Variants in ACTL6B observed in about 807,000 individuals in gnomAD.
ACTL6B encodes the protein actin like 6B, also known as actin-like protein 6B.
A neutral mutation model predicts 63.3 loss-of-function variants in ACTL6B; 48 were observed. The ratio of observed to expected loss-of-function variants is 0.76; its 90% CI spans 0.60 to 0.96. The LOEUF is 0.96. Among genes scored for constraint, ACTL6B ranks in the 50% least tolerant of loss-of-function variants. The pLI is 0.00. For missense variants in ACTL6B, 350 were observed against 572.2 expected, an observed-to-expected ratio of 0.61 and a Z score of 3.96; for synonymous variants, 230 against 223.8, an observed-to-expected ratio of 1.03 and a Z score of -0.25.
At position 100,648,573 on chromosome 7, in the gene ACTL6B, A is replaced by G. The variant is rs747962927; in HGVS notation, c.652T>C (p.Tyr218His). 4.3e-6 allele frequency: 7 copies of G among 1,610,186 alleles called. No homozygotes were observed. The Admixed American group carries it at 1.2e-4, about 27-fold the overall frequency. The change falls in exon 7 of 14, where the codon TAC becomes CAC. Residue 218 changes from tyrosine (Y) to histidine (H), a missense_variant. Tyr to His is a moderately conservative substitution (Grantham distance 83). Around this residue, in one of 3 missense-constraint regions of ACTL6B, gnomAD observed 250 missense variants for 364.7 expected, o/e 0.69. Coordinates refer to ENST00000160382, the MANE Select transcript of ACTL6B (RefSeq NM_016188.5). This position sits in a 1 kb window ranked among gnomAD's most constrained non-coding sequence, Gnocchi z 4.4. The stretch of plus-strand genomic sequence containing the variant: ...GGCCCCACCTTGGCTGCGATCATGT[A>G]AGGTGGGATGATGTCAATGGCCATC... ...QEMAIDIIPP[Y>H]MIAAKEPVRE...
rs546608076 is a variant in ACTL6B at position 100,643,258 on chromosome 7, T to C, written c.1269A>G (p.Arg423=). The C allele has an allele frequency of 1.2e-6, 2 of 1,614,044 alleles. No individual in the cohort carries two copies. The highest frequency in any genetic ancestry group is 1.7e-6 in the Non-Finnish European group (2 of 1,179,974). ...GGGAGGAGTGCCATCAGGGGCACTT[T>C]CGCTCCACGCACTGCTTCCCGCCCT... ...YEEGGKQCVE[R]KCP is the part of the protein sequence containing the mutation. Residue 423 remains arginine, a synonymous_variant, in exon 14 of 14, where the codon CGA becomes CGG. Transcript: ENST00000160382.
chr7:100,655,354 G>C lies in ACTL6B; in HGVS notation c.268+67C>G. 6.5e-7 allele frequency: 1 copy of C among 1,542,962 alleles called. No individual in the cohort carries two copies. The highest frequency in any genetic ancestry group is 8.8e-7 in the Non-Finnish European group (1 of 1,135,046). ...GAAGACTCCGCGGGGAGTGGGGGCT[G>C]CTATGACCCAGATTGTGGGGAGCGG... On this transcript the variant is annotated intron_variant, in intron 3 of 13. Coordinates refer to ENST00000160382, the MANE Select transcript of ACTL6B (RefSeq NM_016188.5). The surrounding 1 kb of genome is among the most constrained non-coding windows in gnomAD (Gnocchi z 4.4).
At position 100,649,993 on chromosome 7, in the gene ACTL6B, A is replaced by C. The variant is rs532650092; in HGVS notation, c.467+45T>G. On this transcript the variant is annotated intron_variant, in intron 5 of 13. Coordinates refer to ENST00000160382, the MANE Select transcript of ACTL6B (RefSeq NM_016188.5). ...CACAGCTGAGCTCAGCACAGGCCCC[A>C]CCCCAGCCCTCCACCCAGTCAGAGC... 70 of 1,578,558 alleles carry C rather than the reference A, an allele frequency of 4.4e-5. No homozygotes were observed. The African/African-American group carries it at 7.3e-4, about 16-fold the overall frequency.
rs1225921374 is a variant in ACTL6B, at chr7:100,647,070, C to A, written c.837G>T (p.Met279Ile). Reference protein sequence around the residue: ...SPYDEQVAAQMPTVHYEMPNG... With the variant: ...SPYDEQVAAQIPTVHYEMPNG... ...TGGGCATCTCGTAGTGCACTGTGGGCATTTGTGCAGCCACCCTACCCAGAA... is the reference window on the plus strand; with the variant it reads ...TGGGCATCTCGTAGTGCACTGTGGGAATTTGTGCAGCCACCCTACCCAGAA... Residue 279 changes from methionine (M) to isoleucine (I), a missense_variant, in exon 10 of 14, where the codon ATG becomes ATT. By Grantham distance (10) the Met-to-Ile change is conservative (BLOSUM62 1). Coordinates refer to ENST00000160382, the MANE Select transcript of ACTL6B (RefSeq NM_016188.5). This position sits in a 1 kb window ranked among gnomAD's most constrained non-coding sequence, Gnocchi z 4.4. 1 of 1,613,958 alleles carries A rather than the reference C, an allele frequency of 6.2e-7. No homozygotes were observed. The highest frequency in any genetic ancestry group is 8.5e-7 in the Non-Finnish European group (1 of 1,179,994).
chr7:100,647,598 G>A lies in ACTL6B; in HGVS notation c.670-65C>T. ...CCTGACCCCCACCCCCACCTTCCTG[G>A]CACTGTTCCCAGCTCTGCAGCTACC... is the stretch of plus-strand genomic sequence containing the variant. On this transcript the variant is annotated intron_variant, in intron 7 of 13. Coordinates refer to ENST00000160382, the MANE Select transcript of ACTL6B (RefSeq NM_016188.5). This position sits in a 1 kb window ranked among gnomAD's most constrained non-coding sequence, Gnocchi z 4.4. The A allele has an allele frequency of 8.0e-7, 1 of 1,255,608 alleles. No individual in the cohort carries two copies. The highest frequency in any genetic ancestry group is 1.1e-6 in the Non-Finnish European group (1 of 893,532). The allele number at this position is 1,255,608 out of a possible 1,614,324, so 77.8% of individuals were successfully genotyped here. A position where few individuals can be genotyped will look rare whatever the true frequency, so the allele number is the denominator to read the frequency against.
intron 13 of ACTL6B, among the ~76,000 whole-genome samples, chr7:100,643,984 C>T (rs2131331296): frequency 6.6e-6 from 1 of 152,262 alleles, no homozygotes; most frequent in East Asian, 1.9e-4. Context: ...ACTGCAGCCT[C>T]CGCCTCCCAG....
chr7:100,654,266 C>T (rs1014975097), intron 4 of ACTL6B, among the ~76,000 whole-genome samples: 2 of 151,490 alleles, frequency 1.3e-5, no homozygotes, highest in Admixed American at 6.6e-5. Context: ...GCCACCACAC[C>T]CGGCAAAAAA....
Position 100,647,363 on chromosome 7 carries a change from C to A in ACTL6B, c.760-79G>T, listed in dbSNP as rs2131333913. On this transcript the variant is annotated intron_variant, in intron 8 of 13. Coordinates refer to ENST00000160382, the MANE Select transcript of ACTL6B (RefSeq NM_016188.5). The surrounding 1 kb of genome is among the most constrained non-coding windows in gnomAD (Gnocchi z 4.4). ...CTGCCCCGCTCCCCCTCCCTGCTCC[C>A]CCTCCCATGCGGGGCCTCTGTCCCG... The A allele has an allele frequency of 6.2e-7, 1 of 1,600,368 alleles. No individual in the cohort carries two copies. Among genetic ancestry groups the A allele is most frequent in the Non-Finnish European group, 8.6e-7 (1 of 1,169,040 alleles).
At position 100,646,446 on chromosome 7, in the gene ACTL6B, G is replaced by A. The variant is rs1803823623; in HGVS notation, c.1113+105C>T. 2.7e-5 allele frequency: 42 copies of A among 1,550,134 alleles called. No homozygotes were observed. In the South Asian group the frequency reaches 4.7e-4, roughly 17 times the overall value. On this transcript the variant is annotated intron_variant, in intron 12 of 13. Transcript: ENST00000160382. The surrounding 1 kb of genome is among the most constrained non-coding windows in gnomAD (Gnocchi z 6.1). ...CCACAGGGGCAGGGGTTCTGCTCTG[G>A]TGGCCAGAACAGAAGGAAGGACATG...
Position 100,646,319 on chromosome 7 carries a change from A to T in ACTL6B, c.1130T>A (p.Leu377His). Residue 377 changes from leucine (L) to histidine (H), a missense_variant, in exon 13 of 14, where the codon CTC becomes CAC. Transcript: ENST00000160382. This position sits in a 1 kb window ranked among gnomAD's most constrained non-coding sequence, Gnocchi z 6.1. ...CTCCATGGTGCTGTTGCTGGCAATG[A>T]GTTTCAGTCGCATGCTCTGGGGGTA... is the stretch of plus-strand genomic sequence containing the variant. ...QKTPPSMRLK[L>H]IASNSTMERK... The T allele has an allele frequency of 1.9e-6, 3 of 1,613,808 alleles. No homozygotes were observed. The highest frequency in any genetic ancestry group is 2.5e-6 in the Non-Finnish European group (3 of 1,179,958).
Position 100,647,430 on chromosome 7 carries a change from C to T in ACTL6B, c.759+14G>A, listed in dbSNP as rs375468195. ...GGGGAGGGGGGTTTCAGGTGGCCCTCTCCAGAGGCTCACATTACACATGTA... is the reference window on the plus strand; with the variant it reads ...GGGGAGGGGGGTTTCAGGTGGCCCTTTCCAGAGGCTCACATTACACATGTA... On this transcript the variant is annotated intron_variant, in intron 8 of 13. Coordinates refer to ENST00000160382, the MANE Select transcript of ACTL6B (RefSeq NM_016188.5). This position sits in a 1 kb window ranked among gnomAD's most constrained non-coding sequence, Gnocchi z 4.4. The T allele has an allele frequency of 2.7e-5, 44 of 1,612,174 alleles. No individual in the cohort carries two copies. Among genetic ancestry groups the T allele is most frequent in the Non-Finnish European group, 3.6e-5 (43 of 1,179,020 alleles).
At chr7:100,651,362 C>A (rs58313400) in intron 4 of ACTL6B, among the ~76,000 whole-genome samples, 2 of 151,842 alleles carry the variant, frequency 1.3e-5, no homozygotes, top group Non-Finnish European at 2.9e-5. Context: ...ACCAGCCTGG[C>A]CAACATGGTG....
chr7:100,652,645 A>G (rs1387473383), intron 4 of ACTL6B, among the ~76,000 whole-genome samples: 1 of 151,918 alleles, frequency 6.6e-6, no homozygotes, highest in Admixed American at 6.6e-5. Context: ...GTCTTGACAA[A>G]AGATACAATT....
chr7:100,655,487 C>CGATG lies in ACTL6B; in HGVS notation c.198_201dup (p.Asp68HisfsTer45). The CGATG allele has an allele frequency of 1.9e-6, 3 of 1,614,122 alleles. No homozygotes were observed. The highest frequency in any genetic ancestry group is 1.7e-6 in the Non-Finnish European group (2 of 1,180,026). ...CGAGGCACGTGCAGGGCATTGGTGT[C>CGATG]GATGTGGAAGATCTTCCCTTTCTTC... On this transcript the variant is annotated frameshift_variant, in exon 3 of 14. Coordinates refer to ENST00000160382, the MANE Select transcript of ACTL6B (RefSeq NM_016188.5). LOFTEE classifies it high-confidence loss of function. This position sits in a 1 kb window ranked among gnomAD's most constrained non-coding sequence, Gnocchi z 4.4.
At position 100,646,905 on chromosome 7, in the gene ACTL6B, C is replaced by T; in HGVS notation, c.936+66G>A. On this transcript the variant is annotated intron_variant, in intron 10 of 13. Transcript: ENST00000160382. This position sits in a 1 kb window ranked among gnomAD's most constrained non-coding sequence, Gnocchi z 6.1. ...AGACCCCTGCAATCCTTCCCAGCCTCCCCCACGCCCCAGGATCCAGGGACT... is the reference window on the plus strand; with the variant it reads ...AGACCCCTGCAATCCTTCCCAGCCTTCCCCACGCCCCAGGATCCAGGGACT... 2 of 1,593,954 alleles carry T rather than the reference C, an allele frequency of 1.3e-6. No individual in the cohort carries two copies. The highest frequency in any genetic ancestry group is 2.2e-5 in the East Asian group (1 of 44,658).
rs553189986 is a variant in ACTL6B at position 100,647,591 on chromosome 7, C to T, written c.670-58G>A. On this transcript the variant is annotated intron_variant, in intron 7 of 13. Transcript: ENST00000160382. This position sits in a 1 kb window ranked among gnomAD's most constrained non-coding sequence, Gnocchi z 4.4. ...TAGCCCACCTGACCCCCACCCCCAC[C>T]TTCCTGGCACTGTTCCCAGCTCTGC... 8.0e-4 allele frequency: 1,032 copies of T among 1,282,690 alleles called. 1 individual carries two copies. Among genetic ancestry groups the T allele is most frequent in the Middle Eastern group, 6.5e-3 (32 of 4,904 alleles). The allele number at this position is 1,282,690 out of a possible 1,614,324, so 79.5% of individuals were successfully genotyped here.
Position 100,655,228 on chromosome 7 carries a change from G to T in ACTL6B, c.269-109C>A. 1.7e-6 allele frequency: 2 copies of T among 1,189,688 alleles called. No homozygotes were observed. The highest frequency in any genetic ancestry group is 2.4e-6 in the Non-Finnish European group (2 of 823,112). The allele number at this position is 1,189,688 out of a possible 1,614,324, so 73.7% of individuals were successfully genotyped here. ...GCCCAAAGGAGGGTCAGTGAGTCCA[G>T]CTCCAGGGGAACGCCCCCCTTCCCA... On this transcript the variant is annotated intron_variant, in intron 3 of 13. Coordinates refer to ENST00000160382, the MANE Select transcript of ACTL6B (RefSeq NM_016188.5). The surrounding 1 kb of genome is among the most constrained non-coding windows in gnomAD (Gnocchi z 4.4).
At position 100,643,223 on chromosome 7, in the gene ACTL6B, C is replaced by T. The variant is rs1418924935; in HGVS notation, c.*23G>A. The T allele has an allele frequency of 6.2e-7, 1 of 1,612,406 alleles. No homozygotes were observed. The highest frequency in any genetic ancestry group is 1.7e-5 in the Admixed American group (1 of 59,964). On this transcript the variant is annotated 3_prime_UTR_variant, in exon 14 of 14. Coordinates refer to ENST00000160382, the MANE Select transcript of ACTL6B (RefSeq NM_016188.5). ...AGGGACTTCCATCTGAGCTTGGGAG[C>T]AGGTGTGTGGGGAGGAGTGCCATCA...
At chr7:100,645,638 ATTTT>A (rs59032705) in intron 13 of ACTL6B, among the ~76,000 whole-genome samples, 1 of 141,216 alleles carries the variant, frequency 7.1e-6, no homozygotes, top group East Asian at 2.1e-4. Flanking sequence ...TCTACTCCCA[ATTTT>A]TTTTTTTTTT....
Sources: gnomAD v4.1 joint callset for allele counts (sites outside exome capture counted in the v4.1 genomes callset) on GRCh38, gnomAD v4.1.1 for gene constraint, gnomAD v4.1.1 regional missense constraint, Gnocchi (gnomAD v3.1) non-coding constraint, MANE v1.5 for transcripts, NCBI Gene and HGNC (gene_info 2026-07-23, HGNC 2026-07-21) for gene names.